CCDC112: variants seen among roughly 807,000 people sequenced by gnomAD.
CCDC112 encodes coiled-coil domain-containing protein 112.
In CCDC112, 40 loss-of-function variants were observed where a neutral mutation model predicts 66.3. The observed-to-expected ratio is 0.60, with a 90% CI of 0.47 to 0.79. The LOEUF (loss-of-function observed/expected upper bound fraction) is 0.79, where lower values mean the gene tolerates loss of function less well. Ranked by LOEUF, CCDC112 falls within the 30% of genes least tolerant of loss-of-function variation. The pLI is 0.00. For synonymous variants in CCDC112, 214 were observed against 197.2 expected, an observed-to-expected ratio of 1.09 and a Z score of -0.71; for missense variants, 659 against 603.8, an observed-to-expected ratio of 1.09 and a Z score of -0.96.
intron 2 of CCDC112, among the ~76,000 whole-genome samples, chr5:115,282,137 T>A (rs1749483073): frequency 6.6e-6 from 1 of 152,208 alleles, no homozygotes; most frequent in Non-Finnish European, 1.5e-5. Flanking sequence ...ATAAATCATA[T>A]TACATTCATA....
intron 6 of CCDC112, among the ~76,000 whole-genome samples, chr5:115,273,220 G>A (rs1561494023): frequency 6.6e-6 from 1 of 152,184 alleles, no homozygotes; most frequent in Non-Finnish European, 1.5e-5. Context: ...GATAAGCTGG[G>A]ATTGGAGGGG....
At chr5:115,289,911 G>A (rs1749850957) in intron 1 of CCDC112, among the ~76,000 whole-genome samples, 1 of 152,148 alleles carries the variant, frequency 6.6e-6, no homozygotes, top group Admixed American at 6.5e-5. Flanking sequence ...TCAAACTCCT[G>A]GCCTCAAGCG....
chr5:115,295,805 G>A (rs1750128423), intron 1 of CCDC112: 5 of 747,548 alleles, frequency 6.7e-6, no homozygotes, highest in African/African-American at 1.9e-5. Flanking sequence ...GTGCTATGGG[G>A]AAAAATAAAA....
chr5:115,274,305 C>T (rs897068759), intron 6 of CCDC112, among the ~76,000 whole-genome samples: 2 of 152,212 alleles, frequency 1.3e-5, no homozygotes, highest in African/African-American at 4.8e-5. Context: ...TATCTAGCTC[C>T]AAATGTCAAT....
chr5:115,288,846 G>A (rs1749798097), intron 1 of CCDC112, among the ~76,000 whole-genome samples: 1 of 152,128 alleles, frequency 6.6e-6, no homozygotes, highest in Non-Finnish European at 1.5e-5. Context: ...AGGATGAGGT[G>A]GGATTCCCTC....
chr5:115,292,079 G>A (rs552590651), intron 1 of CCDC112, among the ~76,000 whole-genome samples: 22 of 152,000 alleles, frequency 1.4e-4, no homozygotes, highest in African/African-American at 3.9e-4. Flanking sequence ...TTCAAATATC[G>A]GTTTTCCTCC....
chr5:115,281,788 A>G (rs969234433), intron 2 of CCDC112, among the ~76,000 whole-genome samples: 1 of 152,236 alleles, frequency 6.6e-6, no homozygotes, highest in Non-Finnish European at 1.5e-5. Context: ...AATAGAAGAA[A>G]TGCAAATTAA....
rs566845099 is a variant in CCDC112, at chr5:115,288,369, T to G, written c.118-3461A>C. ...TAAGAGGTGATCAAGTACCAGTATC[T>G]TCACATGTTGATAAGCTGTTAAATA... On this transcript the variant is annotated intron_variant, in intron 1 of 9. Coordinates refer to ENST00000379611, the MANE Select transcript of CCDC112 (RefSeq NM_001040440.3). Among the ~76,000 whole-genome samples, 3 of 152,322 alleles carry G rather than the reference T, an allele frequency of 2.0e-5. No homozygotes were observed. In the East Asian group the frequency reaches 5.8e-4, roughly 29 times the overall value.
chr5:115,281,945 T>G (rs997951768), intron 2 of CCDC112, among the ~76,000 whole-genome samples: 1 of 152,244 alleles, frequency 6.6e-6, no homozygotes, highest in East Asian at 1.9e-4. Flanking sequence ...TTTAGCAATA[T>G]TTATCACATT....
chr5:115,269,702 C>T lies in CCDC112; in HGVS notation c.1428+1G>A, dbSNP rs1168870999. ...ATGAAAATAATCTCGGTGCAGAGTACCTTTTCTTTTAATTTTGCCAGTCTT... is the reference window on the plus strand; with the variant it reads ...ATGAAAATAATCTCGGTGCAGAGTATCTTTTCTTTTAATTTTGCCAGTCTT... On this transcript the variant is annotated splice_donor_variant, in intron 8 of 9. Coordinates refer to ENST00000379611, the MANE Select transcript of CCDC112 (RefSeq NM_001040440.3). LOFTEE classifies it high-confidence loss of function. 4 of 1,578,752 alleles carry T rather than the reference C, an allele frequency of 2.5e-6. No homozygotes were observed. Among genetic ancestry groups the T allele is most frequent in the East Asian group, 4.5e-5 (2 of 44,244 alleles).
At chr5:115,271,148 T>C (rs768515968) in intron 7 of CCDC112, 65 bp downstream of exon 7, 1 of 1,463,306 alleles carries the variant, frequency 6.8e-7, no homozygotes, top group Non-Finnish European at 9.2e-7. Flanking sequence ...TTTGCTTAAC[T>C]GAATTTGGAA....
intron 2 of CCDC112, 84 bp from the exon 3 acceptor site, chr5:115,279,852 A>G: frequency 1.3e-6 from 1 of 757,696 alleles, no homozygotes; most frequent in Non-Finnish European, 2.1e-6. Context: ...AATAATCCGT[A>G]TTTTATATTT....
At chr5:115,282,627 C>T (rs1449112699) in intron 2 of CCDC112, among the ~76,000 whole-genome samples, 3 of 151,638 alleles carry the variant, frequency 2.0e-5, no homozygotes, top group South Asian at 2.1e-4. Context: ...ACCATTTATA[C>T]AAAAAAGGAA....
At chr5:115,271,695 T>C in intron 6 of CCDC112, 69 bp from the exon 7 acceptor site, 2 of 966,708 alleles carry the variant, frequency 2.1e-6, no homozygotes, top group Non-Finnish European at 3.0e-6. Context: ...TATTTTAAAA[T>C]ACATCAATTC....
intron 7 of CCDC112, 119 bp from the exon 8 acceptor site, chr5:115,269,917 C>A (rs1415708498): frequency 9.9e-6 from 6 of 603,016 alleles, no homozygotes; most frequent in South Asian, 6.7e-5. Flanking sequence ...AATATTAATT[C>A]TTTCCAACAA....
At chr5:115,287,564 C>G (rs1451367361) in intron 1 of CCDC112, among the ~76,000 whole-genome samples, 1 of 152,082 alleles carries the variant, frequency 6.6e-6, no homozygotes, top group African/African-American at 2.4e-5. Context: ...CCAATTTTTC[C>G]TGAAAACAAG....
chr5:115,275,171 A>T, intron 6 of CCDC112, 45 bp downstream of exon 6: 1 of 1,440,184 alleles, frequency 6.9e-7, no homozygotes, highest in Non-Finnish European at 9.4e-7. Flanking sequence ...TACAGTGCCT[A>T]GAACATAGAA....
At chr5:115,273,307 C>T (rs1482746041) in intron 6 of CCDC112, among the ~76,000 whole-genome samples, 1 of 152,144 alleles carries the variant, frequency 6.6e-6, no homozygotes, top group Non-Finnish European at 1.5e-5. Context: ...CAGAGCATGT[C>T]TGAAAATGTC....
chr5:115,268,001 A>G (rs558053357), intron 9 of CCDC112, 83 bp from the exon 10 acceptor site: 1 of 1,038,114 alleles, frequency 9.6e-7, no homozygotes, highest in South Asian at 1.3e-5. Context: ...TGCTAACTTT[A>G]AAATATATAT....
Sources: allele counts gnomAD v4.1 joint callset (sites outside exome capture counted in the v4.1 genomes callset), GRCh38; gene constraint gnomAD v4.1.1; transcripts MANE v1.5; gene names NCBI Gene and HGNC (gene_info 2026-07-23, HGNC 2026-07-21).